Variants in ILDR2 observed in about 807,000 individuals in gnomAD.
The protein encoded by ILDR2 is immunoglobulin-like domain-containing receptor 2.
Under a neutral mutation model 66.8 loss-of-function variants are expected in ILDR2, and 25 were observed. That is an observed-to-expected ratio of 0.37 (90% CI 0.27 to 0.52). The LOEUF is 0.52. Ranked by LOEUF, ILDR2 falls within the 20% of genes least tolerant of loss-of-function variation. The pLI, the probability that ILDR2 is intolerant of heterozygous loss-of-function variation, is 0.88. For synonymous variants in ILDR2, 367 were observed against 357.2 expected (o/e 1.03, Z -0.31); for missense variants, 827 against 876.8 (o/e 0.94, Z 0.72).
At position 166,909,760 on chromosome 1, in the gene ILDR2, A is replaced by AATATATATAT. The variant is rs1392240246; in HGVS notation, c.*9594_*9595insATATATATAT. On this transcript the variant is annotated 3_prime_UTR_variant, in exon 10 of 10. Transcript: ENST00000271417. ...ACATATATATATATATATATATATA[A>AATATATATAT]ATATATATAAATATATATATTTATA... 1.4e-3 allele frequency: 85 copies of AATATATATAT among 62,728 alleles called. 1 individual carries two copies. Among genetic ancestry groups the AATATATATAT allele is most frequent in the African/African-American group, 6.6e-3 (81 of 12,350 alleles). 3.9% of individuals were successfully genotyped at this position (62,728 alleles called of 1,614,324 possible).
In ILDR2 at chr1:166,909,791, A is replaced by ATATATAAATATATATAAATATATATATT. The variant is rs1659435449; in HGVS notation, c.*9563_*9564insAATATATATATTTATATATATTTATATA. The ATATATAAATATATATAAATATATATATT allele has an allele frequency of 5.3e-5, 7 of 131,988 alleles. No individual in the cohort carries two copies. In the East Asian group the frequency reaches 1.6e-3, roughly 30 times the overall value. The allele number at this position is 131,988 out of a possible 1,614,324, so 8.2% of individuals were successfully genotyped here. On this transcript the variant is annotated 3_prime_UTR_variant, in exon 10 of 10. Coordinates refer to ENST00000271417, the MANE Select transcript of ILDR2 (RefSeq NM_199351.3). ...TATAAATATATATATTTATATATATATATATATATATATATCCTTCTAGCT... is the reference window on the plus strand; with the variant it reads ...TATAAATATATATATTTATATATATATATATAAATATATATAAATATATATATTTATATATATATATATCCTTCTAGCT...
chr1:166,964,144 A>T (rs1662791204), intron 1 of ILDR2, among the ~76,000 whole-genome samples: 2 of 151,864 alleles, frequency 1.3e-5, no homozygotes, highest in South Asian at 4.1e-4. Context: ...AAAAATAAAA[A>T]AAAAAAAAAA....
At chr1:166,933,132 G>A (rs751280679) in intron 6 of ILDR2, among the ~76,000 whole-genome samples, 2 of 152,220 alleles carry the variant, frequency 1.3e-5, no homozygotes, top group East Asian at 1.9e-4. Flanking sequence ...TAACAGAACC[G>A]TGATTTTGTT....
chr1:166,914,154 T>C lies in ILDR2; in HGVS notation c.*5201A>G, dbSNP rs1464028928. The stretch of plus-strand genomic sequence containing the variant: ...AAGAAAGAAAAAGAAAACGAAACTC[T>C]CCTTGAGTGAAGCTACAACTCCCTC... On this transcript the variant is annotated 3_prime_UTR_variant, in exon 10 of 10. Coordinates refer to ENST00000271417, the MANE Select transcript of ILDR2 (RefSeq NM_199351.3). 1 of 152,178 alleles carries C rather than the reference T, an allele frequency of 6.6e-6. No homozygotes were observed. The highest frequency in any genetic ancestry group is 2.4e-5 in the African/African-American group (1 of 41,284). 9.4% of individuals were successfully genotyped at this position (152,178 alleles called of 1,614,324 possible).
chr1:166,939,559 G>A lies in ILDR2; in HGVS notation c.511C>T (p.Leu171=). 2 of 1,613,846 alleles carry A rather than the reference G, an allele frequency of 1.2e-6. No homozygotes were observed. The highest frequency in any genetic ancestry group is 1.7e-6 in the Non-Finnish European group (2 of 1,179,720). ...VELLVLGRTG[L]LADLLPSFAV... is the part of the protein sequence containing the mutation. ...AAACTGGGCAAGAGATCAGCAAGCA[G>A]CCCTGTCCTGCCTAGAAGAAGTGGA... is the stretch of plus-strand genomic sequence containing the variant. Residue 171 remains leucine (L), a synonymous_variant, in exon 4 of 10, where the codon CTG becomes TTG. Coordinates refer to ENST00000271417, the MANE Select transcript of ILDR2 (RefSeq NM_199351.3).
At chr1:166,924,201 G>A (rs1236131599) in intron 7 of ILDR2, among the ~76,000 whole-genome samples, 1 of 152,092 alleles carries the variant, frequency 6.6e-6, no homozygotes, top group East Asian at 1.9e-4. Context: ...TAAGAAGAAG[G>A]GACTATGCCT....
chr1:166,957,275 G>T (rs2101980484), intron 2 of ILDR2, among the ~76,000 whole-genome samples: 1 of 152,354 alleles, frequency 6.6e-6, no homozygotes, highest in South Asian at 2.1e-4. Flanking sequence ...GAGGTCCAGA[G>T]CTTTAGAGAG....
chr1:166,952,386 A>C lies in ILDR2; in HGVS notation c.499+4347T>G, dbSNP rs1018396020. ...TGTCACTGTCATCTTAAAGCACCAA[A>C]ACACTATGCATTTCCATCTTCACAA... On this transcript the variant is annotated intron_variant, in intron 3 of 9. Transcript: ENST00000271417. Among the ~76,000 whole-genome samples, 13 of 152,308 alleles carry C rather than the reference A, an allele frequency of 8.5e-5. No homozygotes were observed. The South Asian group carries it at 2.5e-3, about 29-fold the overall frequency.
At position 166,975,323 on chromosome 1, in the gene ILDR2, A is replaced by C. The variant is rs1663530587; in HGVS notation, c.-55T>G. On this transcript the variant is annotated 5_prime_UTR_variant, in exon 1 of 10. Coordinates refer to ENST00000271417, the MANE Select transcript of ILDR2 (RefSeq NM_199351.3). ...GTGAGGAAAGTGGGAAATGGCTGGA[A>C]CAGAAGGATCGCTGTCACCCCGCGG... 6.5e-7 allele frequency: 1 copy of C among 1,543,054 alleles called. No individual in the cohort carries two copies. The highest frequency in any genetic ancestry group is 1.4e-5 in the African/African-American group (1 of 73,098).
intron 3 of ILDR2, among the ~76,000 whole-genome samples, chr1:166,947,913 G>T (rs1048103338): frequency 4.6e-5 from 7 of 152,174 alleles, no homozygotes; most frequent in African/African-American, 1.7e-4. Flanking sequence ...TTAGGGAAGG[G>T]GAAATAGCGC....
At chr1:166,896,564 A>C (rs199624147) in intron 2 of ILDR2, among the ~76,000 whole-genome samples, 1 of 145,650 alleles carries the variant, frequency 6.9e-6, no homozygotes, top group Non-Finnish European at 1.5e-5. Context: ...ATATATATAT[A>C]TCTCATGTTG....
chr1:166,957,628 T>C (rs931962505), intron 2 of ILDR2, 141 bp downstream of exon 2: 2 of 702,072 alleles, frequency 2.8e-6, no homozygotes, highest in African/African-American at 3.6e-5. Flanking sequence ...GGTCTCTTGA[T>C]GCTCCCATTT....
intron 3 of ILDR2, among the ~76,000 whole-genome samples, chr1:166,952,798 C>A (rs17403380): frequency 6.6e-6 from 1 of 152,034 alleles, no homozygotes; most frequent in Admixed American, 6.6e-5. Context: ...TATTCTATAG[C>A]TTCTTCATAC....
rs2101834752 is a variant in ILDR2 at position 166,915,420 on chromosome 1, T to C, written c.*3935A>G. The stretch of plus-strand genomic sequence containing the variant: ...AATGCATCTGATCACAGGAGTCTCC[T>C]GGAATGCATATTAAAAATATGAATT... On this transcript the variant is annotated 3_prime_UTR_variant, in exon 10 of 10. Coordinates refer to ENST00000271417, the MANE Select transcript of ILDR2 (RefSeq NM_199351.3). 1 of 152,222 alleles carries C rather than the reference T, an allele frequency of 6.6e-6. No homozygotes were observed. Among genetic ancestry groups the C allele is most frequent in the East Asian group, 1.9e-4 (1 of 5,192 alleles). 9.4% of individuals were successfully genotyped at this position (152,222 alleles called of 1,614,324 possible).
At position 166,909,891 on chromosome 1, in the gene ILDR2, C is replaced by T. The variant is rs563100366; in HGVS notation, c.*9464G>A. Reference sequence around the variant, plus strand: ...AATCCACTGTGGCTATGCTTCTACACAAAATTTGTAACAAAATGTGAGAAA... The same window carrying T: ...AATCCACTGTGGCTATGCTTCTACATAAAATTTGTAACAAAATGTGAGAAA... On this transcript the variant is annotated 3_prime_UTR_variant, in exon 10 of 10. Coordinates refer to ENST00000271417, the MANE Select transcript of ILDR2 (RefSeq NM_199351.3). 4.7e-5 allele frequency: 7 copies of T among 149,236 alleles called. No individual in the cohort carries two copies. The highest frequency in any genetic ancestry group is 3.9e-4 in the East Asian group (2 of 5,066). The allele number at this position is 149,236 out of a possible 1,614,324, so 9.2% of individuals were successfully genotyped here. A position where few individuals can be genotyped will look rare whatever the true frequency, so the allele number is the denominator to read the frequency against.
rs1269589723 is a variant in ILDR2 at position 166,917,256 on chromosome 1, G to A, written c.*2099C>T. On this transcript the variant is annotated 3_prime_UTR_variant, in exon 10 of 10. Transcript: ENST00000271417. ...GGCCAAAGCAACACGGAAGTCCTTT[G>A]GTAGGTCAATTCTCCAAGCAATGAC... 1 of 152,146 alleles carries A rather than the reference G, an allele frequency of 6.6e-6. No individual in the cohort carries two copies. Among genetic ancestry groups the A allele is most frequent in the Non-Finnish European group, 1.5e-5 (1 of 68,018 alleles). 9.4% of individuals were successfully genotyped at this position (152,146 alleles called of 1,614,324 possible). A position where few individuals can be genotyped will look rare whatever the true frequency, so the allele number is the denominator to read the frequency against.
intron 3 of ILDR2, among the ~76,000 whole-genome samples, chr1:166,953,297 C>T (rs1376546719): frequency 6.6e-6 from 1 of 152,144 alleles, no homozygotes; most frequent in African/African-American, 2.4e-5. Flanking sequence ...CACTGGTTCT[C>T]CTAAGTCTTC....
chr1:166,931,955 C>A (rs192726773), intron 6 of ILDR2, among the ~76,000 whole-genome samples: 1 of 152,098 alleles, frequency 6.6e-6, no homozygotes, highest in Non-Finnish European at 1.5e-5. Context: ...GTTGGATATA[C>A]GGTATTGAGG....
At position 166,911,510 on chromosome 1, in the gene ILDR2, C is replaced by A. The variant is rs1174083077; in HGVS notation, c.*7845G>T. On this transcript the variant is annotated 3_prime_UTR_variant, in exon 10 of 10. Transcript: ENST00000271417. ...AGCTTAAAATAAAAAACTATAAAAC[C>A]CATAAAGAAACAAAAAACTGTGAGT... 5 of 151,704 alleles carry A rather than the reference C, an allele frequency of 3.3e-5. No homozygotes were observed. Among genetic ancestry groups the A allele is most frequent in the Admixed American group, 3.3e-4 (5 of 15,236 alleles). The allele number at this position is 151,704 out of a possible 1,614,324, so 9.4% of individuals were successfully genotyped here.
Sources: gnomAD v4.1 joint callset for allele counts (sites outside exome capture counted in the v4.1 genomes callset) on GRCh38, gnomAD v4.1.1 for gene constraint, MANE v1.5 for transcripts, NCBI Gene and HGNC (gene_info 2026-07-23, HGNC 2026-07-21) for gene names.